PIK3C2G: variants seen among roughly 807,000 people sequenced by gnomAD.
The protein encoded by PIK3C2G is phosphatidylinositol 3-kinase C2 domain-containing subunit gamma.
In PIK3C2G, 168 loss-of-function variants were observed where a neutral mutation model predicts 181.1. The ratio of observed to expected loss-of-function variants is 0.93; its 90% CI spans 0.82 to 1.05. PIK3C2G has a LOEUF of 1.05. Ranked by LOEUF, PIK3C2G falls within the 50% of genes least tolerant of loss-of-function variation. PIK3C2G has a pLI of 0.00. For synonymous variants in PIK3C2G, 573 were observed against 592.2 expected (o/e 0.97, Z 0.47); for missense variants, 1,869 against 1,732.8 (o/e 1.08, Z -1.40).
intron 11 of PIK3C2G, among the ~76,000 whole-genome samples, chr12:18,349,211 G>A (rs756409116): frequency 2.6e-5 from 4 of 152,064 alleles, no homozygotes; most frequent in Admixed American, 6.5e-5. Flanking sequence ...ACAAGGGTTC[G>A]CATACCAGGA....
intron 25 of PIK3C2G, among the ~76,000 whole-genome samples, 155 bp downstream of exon 25, chr12:18,538,467 C>T (rs982421935): frequency 6.6e-6 from 1 of 151,956 alleles, no homozygotes; most frequent in Non-Finnish European, 1.5e-5. Flanking sequence ...AGCTTATAAA[C>T]GTATTTCTTA....
intron 18 of PIK3C2G, among the ~76,000 whole-genome samples, chr12:18,466,023 C>A (rs184663978): frequency 6.6e-6 from 1 of 151,258 alleles, no homozygotes; most frequent in East Asian, 1.9e-4. Flanking sequence ...GTTCTCTCCT[C>A]AGCTATTTTT....
chr12:18,688,218 G>T, the PIK3C2G span: 1 of 1,605,856 alleles, frequency 6.2e-7, no homozygotes, highest in Non-Finnish European at 8.5e-7. Flanking sequence ...CCACTGATGA[G>T]CTGCACAAAT....
chr12:18,594,831 T>G (rs1169019329), intron 30 of PIK3C2G, among the ~76,000 whole-genome samples: 4 of 152,064 alleles, frequency 2.6e-5, no homozygotes, highest in Non-Finnish European at 5.9e-5. Flanking sequence ...TCAAGAAAAT[T>G]GTTTCTCTGT....
intron 31 of PIK3C2G, among the ~76,000 whole-genome samples, chr12:18,612,247 T>C (rs970920638): frequency 6.6e-6 from 1 of 152,140 alleles, no homozygotes; most frequent in Non-Finnish European, 1.5e-5. Flanking sequence ...ATCAATATTC[T>C]CTGTGGCTCA....
At chr12:18,503,862 G>A (rs984387229) in intron 23 of PIK3C2G, among the ~76,000 whole-genome samples, 1 of 152,116 alleles carries the variant, frequency 6.6e-6, no homozygotes, top group Non-Finnish European at 1.5e-5. Flanking sequence ...CAAATGTACT[G>A]TTTTATTTGA....
At chr12:18,669,337 G>T in the PIK3C2G span, among the ~76,000 whole-genome samples, 1 of 152,126 alleles carries the variant, frequency 6.6e-6, no homozygotes, top group East Asian at 1.9e-4. Context: ...TTACTATGTA[G>T]CAGGCACCAC....
downstream of PIK3C2G, among the ~76,000 whole-genome samples, chr12:18,650,325 CTCTCTCTA>C (rs1278617548): frequency 6.7e-5 from 5 of 74,984 alleles, no homozygotes; most frequent in Non-Finnish European, 1.0e-4. Flanking sequence ...CTCTCTCTCT[CTCTCTCTA>C]TATATATATA....
At chr12:18,560,570 T>A (rs1945294385) in intron 26 of PIK3C2G, among the ~76,000 whole-genome samples, 1 of 150,964 alleles carries the variant, frequency 6.6e-6, no homozygotes, top group African/African-American at 2.4e-5. Flanking sequence ...ACACAATGCC[T>A]CAAGAGAGAA....
At chr12:18,481,532 T>C (rs1049179869) in intron 18 of PIK3C2G, among the ~76,000 whole-genome samples, 4 of 152,238 alleles carry the variant, frequency 2.6e-5, no homozygotes, top group African/African-American at 9.6e-5. Flanking sequence ...TCATTAAATA[T>C]GTGACTGACC....
intron 31 of PIK3C2G, among the ~76,000 whole-genome samples, chr12:18,629,409 A>C (rs1447509551): frequency 6.6e-6 from 1 of 152,178 alleles, no homozygotes; most frequent in East Asian, 1.9e-4. Flanking sequence ...TCAAGGAGTT[A>C]AGGTGGAGAA....
At chr12:18,576,946 T>C (rs531065684) in intron 29 of PIK3C2G, among the ~76,000 whole-genome samples, 4 of 152,316 alleles carry the variant, frequency 2.6e-5, no homozygotes, top group African/African-American at 9.6e-5. Context: ...AGGGCTGTCT[T>C]ACTGATTATA....
At chr12:18,715,546 C>G in the PIK3C2G span, 1 of 152,040 alleles carries the variant, frequency 6.6e-6, no homozygotes, top group South Asian at 2.1e-4. Context: ...GAACTACAGG[C>G]GCCCACCACC....
the PIK3C2G span, chr12:18,701,710 T>C: frequency 6.2e-7 from 1 of 1,612,800 alleles, no homozygotes; most frequent in African/African-American, 1.3e-5. Context: ...TCAGAACCTT[T>C]TCTTTCATGG....
chr12:18,673,717 C>T, the PIK3C2G span, among the ~76,000 whole-genome samples: 1 of 152,188 alleles, frequency 6.6e-6, no homozygotes, highest in African/African-American at 2.4e-5. Context: ...TACAAAGGGT[C>T]TGCAGTCTCA....
the PIK3C2G span, chr12:18,719,551 C>T: frequency 1.2e-5 from 20 of 1,601,418 alleles, no homozygotes; most frequent in Admixed American, 3.4e-5. Flanking sequence ...AACTTTTCTA[C>T]ATTCATTTTT....
intron 13 of PIK3C2G, among the ~76,000 whole-genome samples, chr12:18,378,323 C>T (rs913048185): frequency 6.6e-6 from 1 of 152,174 alleles, no homozygotes; most frequent in East Asian, 1.9e-4. Flanking sequence ...TTCCCCCCCC[C>T]GTAACTAATG....
chr12:18,583,380 A>G (rs973799027), intron 29 of PIK3C2G, among the ~76,000 whole-genome samples: 1 of 152,026 alleles, frequency 6.6e-6, no homozygotes, highest in African/African-American at 2.4e-5. Context: ...ATGGGTCCCC[A>G]GCCCTGTATC....
intron 17 of PIK3C2G, among the ~76,000 whole-genome samples, chr12:18,422,208 C>T (rs1356260906): frequency 6.6e-6 from 1 of 151,876 alleles, no homozygotes; most frequent in Non-Finnish European, 1.5e-5. Flanking sequence ...CACAATCTAA[C>T]ACAGCAAATA....
Sources: allele counts gnomAD v4.1 joint callset (sites outside exome capture counted in the v4.1 genomes callset), GRCh38; gene constraint gnomAD v4.1.1; transcripts MANE v1.5; gene names NCBI Gene and HGNC (gene_info 2026-07-23, HGNC 2026-07-21).